Variants in SNX25 observed in about 807,000 individuals in gnomAD.
SNX25 encodes sorting nexin 25.
In SNX25, 62 loss-of-function variants were observed where a neutral mutation model predicts 113.7. The observed-to-expected ratio is 0.55, with a 90% CI of 0.44 to 0.67. The LOEUF is 0.67. Ranked by LOEUF, SNX25 falls within the 30% of genes least tolerant of loss-of-function variation. The probability of loss-of-function intolerance (pLI) is 0.00; values close to 1 mark genes in which losing one functional copy is unlikely to be tolerated. For missense variants in SNX25, 1,014 were observed against 1,161.0 expected, an observed-to-expected ratio of 0.87 and a Z score of 1.84; for synonymous variants, 421 against 436.2, an observed-to-expected ratio of 0.97 and a Z score of 0.43.
chr4:185,246,888 G>T (rs1278814160), intron 1 of SNX25, among the ~76,000 whole-genome samples: 1 of 152,116 alleles, frequency 6.6e-6, no homozygotes, highest in Non-Finnish European at 1.5e-5. Flanking sequence ...CAGAATGTAA[G>T]ACCGTAACCT....
chr4:185,223,240 T>G (rs1740283234), intron 1 of SNX25, among the ~76,000 whole-genome samples: 1 of 152,198 alleles, frequency 6.6e-6, no homozygotes, highest in African/African-American at 2.4e-5. Context: ...AAATGTGCAT[T>G]AGTGAACATA....
At chr4:185,375,487 A>AAAAAAAAAAAT in the SNX25 span, 1 of 12,016 alleles carries the variant, frequency 8.3e-5, no homozygotes, top group East Asian at 2.6e-3. Flanking sequence ...AAAAAAAAAA[A>AAAAAAAAAAAT]ATATATATAT....
intron 7 of SNX25, among the ~76,000 whole-genome samples, chr4:185,316,794 CT>C (rs1400018058): frequency 6.6e-6 from 1 of 152,156 alleles, no homozygotes; most frequent in Non-Finnish European, 1.5e-5. Context: ...CCCATCTTCC[CT>C]AGCCAAATTG....
At chr4:185,307,572 T>C (rs993912776) in intron 6 of SNX25, among the ~76,000 whole-genome samples, 5 of 152,108 alleles carry the variant, frequency 3.3e-5, no homozygotes, top group Non-Finnish European at 7.4e-5. Flanking sequence ...GACTTTGCTC[T>C]CTACTTGGAC....
intron 5 of SNX25, among the ~76,000 whole-genome samples, chr4:185,283,397 A>G (rs1750918666): frequency 6.6e-6 from 1 of 152,216 alleles, no homozygotes; most frequent in Admixed American, 6.5e-5. Context: ...GTGTGCAGGA[A>G]GAAACAGGAG....
rs762865688 is a variant in SNX25 at position 185,258,887 on chromosome 4, A to T, written c.554A>T (p.Tyr185Phe). 5.0e-6 allele frequency: 8 copies of T among 1,614,040 alleles called. No individual in the cohort carries two copies. Among genetic ancestry groups the T allele is most frequent in the South Asian group, 4.4e-5 (4 of 91,074 alleles). Residue 185 changes from tyrosine (Y) to phenylalanine (F), a missense_variant, in exon 3 of 19, where the codon TAT becomes TTT. Coordinates refer to ENST00000652585, the MANE Select transcript of SNX25 (RefSeq NM_001378034.2). ...TATAGAGATTACATTCTGTCCTGGT[A>T]TGGAAACCTCAGCAGAGATGAGGGA... Reference protein sequence around the residue: ...YSYRDYILSWYGNLSRDEGQL... With the variant: ...YSYRDYILSWFGNLSRDEGQL...
chr4:185,222,377 C>T lies in SNX25; in HGVS notation c.429+12122C>T, dbSNP rs548995121. 1.6e-3 allele frequency among the ~76,000 whole-genome samples: 245 copies of T among 152,108 alleles called. 1 individual carries two copies. Among genetic ancestry groups the T allele is most frequent in the Middle Eastern group, 3.4e-3 (1 of 294 alleles). ...CAGGTATTCAGTGCCATATACCCCTCCCTCACGGTAGGTATACAGCGCCCT... is the reference window on the plus strand; with the variant it reads ...CAGGTATTCAGTGCCATATACCCCTTCCTCACGGTAGGTATACAGCGCCCT... On this transcript the variant is annotated intron_variant, in intron 1 of 18. Transcript: ENST00000652585.
At chr4:185,247,515 T>A (rs1745031056) in intron 2 of SNX25, 137 bp downstream of exon 2, 1 of 702,994 alleles carries the variant, frequency 1.4e-6, no homozygotes, top group African/African-American at 1.8e-5. Flanking sequence ...GAGTTTGTAT[T>A]TGATGACTAA....
downstream of SNX25, chr4:185,366,995 T>C (rs1472844296): frequency 9.1e-6 from 5 of 549,608 alleles, no homozygotes; most frequent in Non-Finnish European, 1.6e-5. Flanking sequence ...AATTTGACCT[T>C]GTGTCTAGGT....
chr4:185,347,136 G>A lies in SNX25; in HGVS notation c.2301+486G>A, dbSNP rs148816480. On this transcript the variant is annotated intron_variant, in intron 13 of 18. Coordinates refer to ENST00000652585, the MANE Select transcript of SNX25 (RefSeq NM_001378034.2). ...TTCGTTGCTGTGAGAGGTTTTCATC[G>A]TGTGAATACACTGCATTCCAAATTC... Among the ~76,000 whole-genome samples the A allele has an allele frequency of 4.8e-3, 728 of 152,326 alleles. 5 individuals carry two copies. Among genetic ancestry groups the A allele is most frequent in the African/African-American group, 0.016 (672 of 41,568 alleles).
chr4:185,298,873 T>G (rs28573966), intron 6 of SNX25, among the ~76,000 whole-genome samples: 2 of 152,200 alleles, frequency 1.3e-5, no homozygotes, highest in African/African-American at 4.8e-5. Flanking sequence ...TTGAGTGCTG[T>G]TAGATCCGTC....
chr4:185,323,709 C>T lies in SNX25; in HGVS notation c.1658C>T (p.Pro553Leu). The part of the protein sequence containing the change: ...VYETLKDRYY[P>L]SFIVSDLYEK... ...GAGACCCTAAAGGATAGGTATTACCCTTCATTTATTGTCAGTGACCTGTAT... is the reference window on the plus strand; with the variant it reads ...GAGACCCTAAAGGATAGGTATTACCTTTCATTTATTGTCAGTGACCTGTAT... Residue 553 changes from proline (P) to leucine (L), a missense_variant, in exon 9 of 19, where the codon CCT (proline) becomes CTT (leucine). By Grantham distance (98) the Pro-to-Leu change is moderately conservative. Coordinates refer to ENST00000652585, the MANE Select transcript of SNX25 (RefSeq NM_001378034.2). 1 of 1,613,610 alleles carries T rather than the reference C, an allele frequency of 6.2e-7. No homozygotes were observed. The highest frequency in any genetic ancestry group is 8.5e-7 in the Non-Finnish European group (1 of 1,179,688).
At position 185,240,481 on chromosome 4, in the gene SNX25, C is replaced by T. The variant is rs1215910081; in HGVS notation, c.430-6813C>T. Reference sequence around the variant, plus strand: ...CCCAGTAGGGGCGGCCGGGCAGAGGCGCCCCTCACCTCCCGGATGGGGCGG... The same window carrying T: ...CCCAGTAGGGGCGGCCGGGCAGAGGTGCCCCTCACCTCCCGGATGGGGCGG... On this transcript the variant is annotated intron_variant, in intron 1 of 18. Transcript: ENST00000652585. Among the ~76,000 whole-genome samples, 21 of 148,546 alleles carry T rather than the reference C, an allele frequency of 1.4e-4. No homozygotes were observed. In the South Asian group the frequency reaches 3.6e-3, roughly 26 times the overall value.
At chr4:185,233,435 A>C (rs1742149648) in intron 1 of SNX25, among the ~76,000 whole-genome samples, 1 of 152,234 alleles carries the variant, frequency 6.6e-6, no homozygotes, top group Non-Finnish European at 1.5e-5. Flanking sequence ...AACATGATTC[A>C]TATCATAGAA....
intron 9 of SNX25, among the ~76,000 whole-genome samples, chr4:185,326,770 T>TA (rs1373031202): frequency 1.3e-5 from 2 of 152,236 alleles, no homozygotes; most frequent in Non-Finnish European, 2.9e-5. Flanking sequence ...CAATTTTTAA[T>TA]AAACCTGTAG....
chr4:185,207,981 C>G (rs1336361673), upstream of SNX25, among the ~76,000 whole-genome samples: 1 of 152,198 alleles, frequency 6.6e-6, no homozygotes, highest in Non-Finnish European at 1.5e-5. Context: ...TTGTTGATAA[C>G]AAGCCACTGT....
In SNX25 at chr4:185,330,367, A is replaced by G. The variant is rs1056501210; in HGVS notation, c.1750-2228A>G. ...TGGAATGTTTCTGGTTGGAGATGGC[A>G]TTTGTGGTTTATGATCTTGCTGACC... is the stretch of plus-strand genomic sequence containing the variant. On this transcript the variant is annotated intron_variant, in intron 9 of 18. Coordinates refer to ENST00000652585, the MANE Select transcript of SNX25 (RefSeq NM_001378034.2). 3.3e-5 allele frequency among the ~76,000 whole-genome samples: 5 copies of G among 152,110 alleles called. 1 individual carries two copies. Among genetic ancestry groups the G allele is most frequent in the Admixed American group, 3.3e-4 (5 of 15,278 alleles).
At chr4:185,272,297 A>G (rs192096008) in intron 5 of SNX25, among the ~76,000 whole-genome samples, 2 of 152,338 alleles carry the variant, frequency 1.3e-5, no homozygotes, top group African/African-American at 4.8e-5. Context: ...CTGTTAGTGA[A>G]ACTCACAATT....
rs1737479882 is a variant in SNX25, at chr4:185,210,006, C to T, written c.180C>T (p.Pro60=). 1 of 983,728 alleles carries T rather than the reference C, an allele frequency of 1.0e-6. No homozygotes were observed. The highest frequency in any genetic ancestry group is 1.2e-6 in the Non-Finnish European group (1 of 829,252). 60.9% of individuals were successfully genotyped at this position (983,728 alleles called of 1,614,324 possible). Residue 60 remains proline, a synonymous_variant, in exon 1 of 19, where the codon CCC becomes CCT. Transcript: ENST00000652585. The surrounding 1 kb of genome is among the most constrained non-coding windows in gnomAD (Gnocchi z 4.4). ...CGGGCGGCCGGAGCTGGTGGAAGCC[C>T]GTGGCGGTGGCCGCACTCGCCGCCG... The part of the protein sequence containing the change: ...GAPGGRSWWK[P]VAVAALAAVA...
Sources: allele counts gnomAD v4.1 joint callset (sites outside exome capture counted in the v4.1 genomes callset), GRCh38; gene constraint gnomAD v4.1.1; non-coding constraint Gnocchi (gnomAD v3.1); transcripts MANE v1.5; gene names NCBI Gene and HGNC (gene_info 2026-07-23, HGNC 2026-07-21).